AKNA: variants seen among roughly 807,000 people sequenced by gnomAD.
AKNA encodes the protein AT-hook transcription factor, also known as microtubule organization protein AKNA.
A neutral mutation model predicts 138.8 loss-of-function variants in AKNA; 67 were observed. The observed-to-expected ratio is 0.48, with a 90% CI of 0.40 to 0.59. The LOEUF is 0.59. AKNA is among the 20% of genes least tolerant of loss of function. The pLI is 0.00. For missense variants in AKNA, 1,813 were observed against 1,880.4 expected (o/e 0.96, Z 0.66); for synonymous variants, 737 against 754.4 (o/e 0.98, Z 0.38).
At chr9:114,371,379 A>G (rs1832758482) in intron 4 of AKNA, among the ~76,000 whole-genome samples, 1 of 152,210 alleles carries the variant, frequency 6.6e-6, no homozygotes, top group East Asian at 1.9e-4. Context: ...ACTGCAAATT[A>G]TTTAAGAGAG....
chr9:114,387,591 A>G (rs1464734332), intron 1 of AKNA, among the ~76,000 whole-genome samples: 2 of 152,216 alleles, frequency 1.3e-5, no homozygotes, highest in Admixed American at 1.3e-4. Context: ...CCAGGCACAG[A>G]GATGGACCCG....
intron 1 of AKNA, among the ~76,000 whole-genome samples, chr9:114,383,595 T>C (rs1448125886): frequency 6.6e-6 from 1 of 152,190 alleles, no homozygotes; most frequent in Non-Finnish European, 1.5e-5. Flanking sequence ...AAAGTCAGCC[T>C]CCTGGCCCAC....
At chr9:114,345,059 C>T (rs564275637) in intron 18 of AKNA, 185 of 132,996 alleles carry the variant, frequency 1.4e-3, no homozygotes, top group African/African-American at 6.1e-3. Flanking sequence ...AGAACCATAT[C>T]CATATATATA....
chr9:114,357,514 AGTGT>A (rs10534471), intron 12 of AKNA, among the ~76,000 whole-genome samples: 10,543 of 150,858 alleles, frequency 0.07, 1,172 homozygotes, highest in African/African-American at 0.23. Context: ...GGACTACAGA[AGTGT>A]GTGTGTGTGT....
chr9:114,379,198 A>T (rs1004132908), intron 2 of AKNA, among the ~76,000 whole-genome samples: 3 of 152,194 alleles, frequency 2.0e-5, no homozygotes, highest in Non-Finnish European at 4.4e-5. Context: ...CCTGGGTTCA[A>T]TCCTGGCTCC....
chr9:114,356,499 C>T (rs768259227), intron 13 of AKNA, among the ~76,000 whole-genome samples: 6 of 152,242 alleles, frequency 3.9e-5, no homozygotes, highest in Non-Finnish European at 7.3e-5. Flanking sequence ...CTGTCCCCTC[C>T]GCCTTCTCCC....
intron 14 of AKNA, among the ~76,000 whole-genome samples, chr9:114,351,591 T>C (rs376420760): frequency 2.6e-5 from 4 of 151,674 alleles, no homozygotes; most frequent in Non-Finnish European, 4.4e-5. Context: ...GACGGGAGGA[T>C]TGCTTGCGCC....
intron 14 of AKNA, among the ~76,000 whole-genome samples, chr9:114,354,712 CAAAAAAA>C (rs1214629422): frequency 1.5e-5 from 1 of 66,276 alleles, no homozygotes; most frequent in African/African-American, 4.1e-5. Context: ...GACTCTGTCT[CAAAAAAA>C]AAAAAAAAAA....
intron 4 of AKNA, 131 bp downstream of exon 4, chr9:114,373,962 G>T: frequency 2.4e-6 from 2 of 848,672 alleles, no homozygotes; most frequent in East Asian, 3.3e-5. Flanking sequence ...TGGGGTAGAA[G>T]AAAACTGGCG....
intron 8 of AKNA, among the ~76,000 whole-genome samples, chr9:114,362,167 C>T (rs1317082825): frequency 6.6e-6 from 1 of 152,220 alleles, no homozygotes; most frequent in Non-Finnish European, 1.5e-5. Flanking sequence ...CCCATCTAGC[C>T]TCAGTTTCCC....
intron 17 of AKNA, 39 bp downstream of exon 17, chr9:114,346,630 G>T: frequency 6.6e-7 from 1 of 1,522,522 alleles, no homozygotes; most frequent in Non-Finnish European, 9.0e-7. Context: ...TGCTCAGACT[G>T]TGGCCTCTGG....
Position 114,363,865 on chromosome 9 carries a change from G to A in AKNA, c.1788+695C>T, listed in dbSNP as rs372071769. The stretch of plus-strand genomic sequence containing the variant: ...TTTGCTGACAGTTCTCTCCTTTGAC[G>A]CCTACACTCCCAGACTTGAGAGCCC... On this transcript the variant is annotated intron_variant, in intron 7 of 21. Coordinates refer to ENST00000374088, the MANE Select transcript of AKNA (RefSeq NM_001317950.2). 2.9e-4 allele frequency among the ~76,000 whole-genome samples: 44 copies of A among 152,198 alleles called. No homozygotes were observed. The East Asian group carries it at 6.4e-3, about 22-fold the overall frequency.
At chr9:114,363,444 C>T (rs1338609695) in intron 7 of AKNA, among the ~76,000 whole-genome samples, 2 of 152,084 alleles carry the variant, frequency 1.3e-5, no homozygotes, top group South Asian at 2.1e-4. Context: ...GGGATTAGAA[C>T]AGAGAGCAAA....
chr9:114,372,186 G>A (rs1221787280), intron 4 of AKNA, among the ~76,000 whole-genome samples: 1 of 152,222 alleles, frequency 6.6e-6, no homozygotes, highest in Non-Finnish European at 1.5e-5. Flanking sequence ...GGTTGGGGGA[G>A]GGAGCAGAGC....
rs745897348 is a variant in AKNA at position 114,360,042 on chromosome 9, G to A, written c.2145C>T (p.Ala715=). 23 of 1,614,072 alleles carry A rather than the reference G, an allele frequency of 1.4e-5. No homozygotes were observed. Among genetic ancestry groups the A allele is most frequent in the South Asian group, 5.5e-5 (5 of 91,088 alleles). ...SCPEPATTTA[A]ASTGPCPLHV... is the part of the protein sequence containing the mutation. ...GCAATGGGCAGGGGCCAGTGCTGGC[G>A]GCGGCAGTGGTGGTAGCAGGCTGGG... Residue 715 remains alanine (A), a synonymous_variant, in exon 10 of 22, where the codon GCC becomes GCT. Transcript: ENST00000374088.
intron 6 of AKNA, among the ~76,000 whole-genome samples, chr9:114,366,725 A>T (rs1363107199): frequency 6.7e-6 from 1 of 148,208 alleles, no homozygotes; most frequent in Non-Finnish European, 1.5e-5. Context: ...AGAGAAGAGG[A>T]GAGGGGAAGG....
chr9:114,335,058 C>A lies in AKNA; in HGVS notation c.*1996G>T, dbSNP rs796299891. On this transcript the variant is annotated 3_prime_UTR_variant, in exon 22 of 22. Transcript: ENST00000374088. The stretch of plus-strand genomic sequence containing the variant: ...TTTCAGTGTTACTTTCAGTGAGACA[C>A]CATTTTCAACCATACTCAGGAGGAT... 6.6e-5 allele frequency: 10 copies of A among 152,294 alleles called. No individual in the cohort carries two copies. Among genetic ancestry groups the A allele is most frequent in the African/African-American group, 2.4e-4 (10 of 41,554 alleles). 9.4% of individuals were successfully genotyped at this position (152,294 alleles called of 1,614,324 possible).
Position 114,337,173 on chromosome 9 carries a change from C to T in AKNA, c.4201G>A (p.Ala1401Thr), listed in dbSNP as rs1203368444. 2 of 1,610,574 alleles carry T rather than the reference C, an allele frequency of 1.2e-6. No homozygotes were observed. The highest frequency in any genetic ancestry group is 2.2e-5 in the East Asian group (1 of 44,788). ...DLGDLEELNK[A>T]LSRAVQAAES... ...GCAGCCTGCACGGCCCGGCTCAGGG[C>T]CTTGTTGAGCTCCTCTAGGTCGCCC... Residue 1401 changes from alanine (A) to threonine (T), a missense_variant, in exon 22 of 22, where the codon GCC becomes ACC. Physicochemically the swap from Ala to Thr is moderately conservative, Grantham distance 58. Transcript: ENST00000374088.
rs10982174 is a variant in AKNA, at chr9:114,347,900, G to A, written c.3222C>T (p.Asp1074=). The change falls in exon 16 of 22, where the codon GAC becomes GAT. Residue 1074 remains aspartate (D), a splice_region_variant and synonymous_variant. Coordinates refer to ENST00000374088, the MANE Select transcript of AKNA (RefSeq NM_001317950.2). ...CTTCTTGCAGCTCACAGATGGCCTG[G>A]CTGGGGTTGGAGTGGAGACAGAAAC... ...PSFLLTRAGR[D]QAICELQEEV... 14,044 of 1,551,220 alleles carry A rather than the reference G, an allele frequency of 9.1e-3. 377 individuals carry two copies. The highest frequency in any genetic ancestry group is 0.075 in the African/African-American group (5,440 of 72,998).
Sources: allele counts gnomAD v4.1 joint callset (sites outside exome capture counted in the v4.1 genomes callset), GRCh38; gene constraint gnomAD v4.1.1; transcripts MANE v1.5; gene names NCBI Gene and HGNC (gene_info 2026-07-23, HGNC 2026-07-21).